The following JARID2 variants were observed in gnomAD, a reference collection of about 807,000 sequenced individuals.
The protein encoded by JARID2 is protein Jumonji.
Under a neutral mutation model 125.6 loss-of-function variants are expected in JARID2, and 21 were observed. The ratio of observed to expected loss-of-function variants is 0.17; its 90% CI spans 0.12 to 0.24. The LOEUF is 0.24. Among genes scored for constraint, JARID2 ranks in the 10% least tolerant of loss-of-function variants. The probability of loss-of-function intolerance (pLI) is 1.00; values close to 1 mark genes in which losing one functional copy is unlikely to be tolerated. For synonymous variants in JARID2, 736 were observed against 661.6 expected (o/e 1.11, Z -1.73); for missense variants, 1,303 against 1,639.6 (o/e 0.79, Z 3.55).
At chr6:15,394,834 G>C (rs1338899670) in intron 2 of JARID2, among the ~76,000 whole-genome samples, 1 of 152,080 alleles carries the variant, frequency 6.6e-6, no homozygotes, top group Non-Finnish European at 1.5e-5. Flanking sequence ...TGCCACACAT[G>C]CAGGACTCAA....
intron 3 of JARID2, among the ~76,000 whole-genome samples, chr6:15,413,002 G>GGTTT (rs1765951845): frequency 4.9e-4 from 23 of 46,560 alleles, no homozygotes; most frequent in African/African-American, 2.0e-3. Context: ...AAGAGCTTGT[G>GGTTT]TTTTTGTTTT....
intron 1 of JARID2, among the ~76,000 whole-genome samples, chr6:15,361,892 CTTTTTTTTTTT>C (rs58352410): frequency 1.7e-5 from 2 of 121,168 alleles, no homozygotes; most frequent in African/African-American, 6.2e-5. Context: ...TGGGAGCCCC[CTTTTTTTTTTT>C]TTTTTTTTTT....
At chr6:15,394,807 G>A (rs1277454304) in intron 2 of JARID2, among the ~76,000 whole-genome samples, 1 of 152,176 alleles carries the variant, frequency 6.6e-6, no homozygotes, top group Non-Finnish European at 1.5e-5. Flanking sequence ...GTCAAGTAGT[G>A]GAGAGAATGT....
chr6:15,456,166 T>C (rs147386094), intron 4 of JARID2, among the ~76,000 whole-genome samples: 1 of 152,234 alleles, frequency 6.6e-6, no homozygotes, highest in Non-Finnish European at 1.5e-5. Flanking sequence ...GTGCGTGCAC[T>C]ATCTTATAAC....
intron 3 of JARID2, among the ~76,000 whole-genome samples, chr6:15,416,857 T>A (rs1256977531): frequency 6.6e-6 from 1 of 152,216 alleles, no homozygotes; most frequent in Non-Finnish European, 1.5e-5. Flanking sequence ...TCCACTCAGT[T>A]CTTCTTGTAA....
At chr6:15,346,816 A>G (rs1445614242) in intron 1 of JARID2, among the ~76,000 whole-genome samples, 4 of 148,616 alleles carry the variant, frequency 2.7e-5, no homozygotes, top group African/African-American at 7.5e-5. Context: ...GTTCACTGCA[A>G]CCTCCACCTC....
At chr6:15,420,448 G>A (rs1766434457) in intron 3 of JARID2, among the ~76,000 whole-genome samples, 2 of 151,882 alleles carry the variant, frequency 1.3e-5, no homozygotes, top group Admixed American at 1.3e-4. Context: ...AATCTTCAGT[G>A]TCTCTAGTAA....
chr6:15,409,406 G>T (rs1315062408), intron 2 of JARID2, among the ~76,000 whole-genome samples: 1 of 152,220 alleles, frequency 6.6e-6, no homozygotes, highest in Non-Finnish European at 1.5e-5. Context: ...TCTAGTTGCT[G>T]TGGACATGTC....
At chr6:15,513,874 C>T (rs1561919202) in intron 16 of JARID2, among the ~76,000 whole-genome samples, 1 of 152,236 alleles carries the variant, frequency 6.6e-6, no homozygotes, top group African/African-American at 2.4e-5. Flanking sequence ...TTCTTGGTTT[C>T]CTGGTCCTGC....
chr6:15,361,160 G>A (rs944712607), intron 1 of JARID2, among the ~76,000 whole-genome samples: 1 of 151,958 alleles, frequency 6.6e-6, no homozygotes, highest in Non-Finnish European at 1.5e-5. Context: ...TTTCACACAC[G>A]CCACATCTAG....
chr6:15,507,497 TTCTAAG>T (rs1771059981), intron 11 of JARID2, 81 bp downstream of exon 11: 17 of 1,163,788 alleles, frequency 1.5e-5, no homozygotes, highest in Non-Finnish European at 2.0e-5. Flanking sequence ...GGGAAATCCC[TTCTAAG>T]CACTGCCGGG....
chr6:15,382,771 G>A (rs1764639238), intron 2 of JARID2, among the ~76,000 whole-genome samples: 1 of 152,196 alleles, frequency 6.6e-6, no homozygotes, highest in African/African-American at 2.4e-5. Flanking sequence ...TTCCTGGAGC[G>A]TTAAGAATGG....
rs118017837 is a variant in JARID2, at chr6:15,488,165, C to T, written c.906+623C>T. On this transcript the variant is annotated intron_variant, in intron 6 of 17. Coordinates refer to ENST00000341776, the MANE Select transcript of JARID2 (RefSeq NM_004973.4). ...CCTGCGCTGTCCCCCCACCCGCTATCCCCCAACAGGGCCACAGATAATGCC... is the reference window on the plus strand; with the variant it reads ...CCTGCGCTGTCCCCCCACCCGCTATTCCCCAACAGGGCCACAGATAATGCC... Among the ~76,000 whole-genome samples, 276 of 152,322 alleles carry T rather than the reference C, an allele frequency of 1.8e-3. 5 individuals are homozygous for T. In the East Asian group the frequency reaches 0.051, roughly 28 times the overall value.
At chr6:15,297,640 C>T (rs148706385) in intron 1 of JARID2, among the ~76,000 whole-genome samples, 1 of 152,258 alleles carries the variant, frequency 6.6e-6, no homozygotes, top group Non-Finnish European at 1.5e-5. Flanking sequence ...CCGTGCTTGG[C>T]CAGCAACTAG....
Position 15,512,356 on chromosome 6 carries a change from C to T in JARID2, c.3101C>T (p.Thr1034Ile). ...TCTGAAACCGTGCACTTTGCTACCA[C>T]CCAGTGGACAAGTATGGGCTTTGAG... ...SVSETVHFAT[T>I]QWTSMGFETA... Residue 1034 changes from threonine (T) to isoleucine (I), a missense_variant, in exon 14 of 18, where the codon ACC (threonine) becomes ATC (isoleucine). Thr to Ile is a moderately conservative substitution (Grantham distance 89). This residue lies in a region of JARID2 where 190 missense variants were observed against 341.4 expected (regional missense o/e 0.56). Transcript: ENST00000341776. 6.2e-7 allele frequency: 1 copy of T among 1,614,188 alleles called. No homozygotes were observed. The highest frequency in any genetic ancestry group is 8.5e-7 in the Non-Finnish European group (1 of 1,180,032).
intron 17 of JARID2, among the ~76,000 whole-genome samples, chr6:15,519,865 C>T (rs2127777858): frequency 6.6e-6 from 1 of 152,136 alleles, no homozygotes; most frequent in Middle Eastern, 3.4e-3. Context: ...ATGAAACGGC[C>T]ATGCCTGCTA....
At chr6:15,336,074 C>CT (rs1469651077) in intron 1 of JARID2, among the ~76,000 whole-genome samples, 4 of 149,190 alleles carry the variant, frequency 2.7e-5, no homozygotes, top group Non-Finnish European at 5.9e-5. Flanking sequence ...GACAGAGACC[C>CT]GTCTCCAAGG....
At chr6:15,519,995 C>T in intron 17 of JARID2, 74 bp from the exon 18 acceptor site, 2 of 1,348,338 alleles carry the variant, frequency 1.5e-6, no homozygotes, top group Middle Eastern at 2.2e-4. Context: ...TAAACTTGCC[C>T]CTGCATGGCT....
intron 1 of JARID2, chr6:15,247,729 C>G (rs1477768778): frequency 2.0e-6 from 2 of 985,134 alleles, no homozygotes; most frequent in African/African-American, 3.5e-5. Flanking sequence ...CTGAATGCCT[C>G]TTCAAGAGAG....
Sources: gnomAD v4.1 joint callset for allele counts (sites outside exome capture counted in the v4.1 genomes callset) on GRCh38, gnomAD v4.1.1 for gene constraint, gnomAD v4.1.1 regional missense constraint, MANE v1.5 for transcripts, NCBI Gene and HGNC (gene_info 2026-07-23, HGNC 2026-07-21) for gene names.